The following ARMC8 variants were observed in gnomAD, a reference collection of about 807,000 sequenced individuals.
ARMC8 encodes the protein armadillo repeat containing 8.
In ARMC8, 20 loss-of-function variants were observed where a neutral mutation model predicts 99.3. The ratio of observed to expected loss-of-function variants is 0.20; its 90% CI spans 0.14 to 0.29. The LOEUF is 0.29. Ranked by LOEUF, ARMC8 falls within the 10% of genes least tolerant of loss-of-function variation. ARMC8 has a pLI of 1.00. For missense variants in ARMC8, 569 were observed against 809.5 expected, an observed-to-expected ratio of 0.70 and a Z score of 3.60; for synonymous variants, 263 against 278.3, an observed-to-expected ratio of 0.95 and a Z score of 0.55.
rs143488622 is a variant in ARMC8 at position 138,268,400 on chromosome 3, C to T, written c.1386+1159C>T. On this transcript the variant is annotated intron_variant, in intron 15 of 21. Transcript: ENST00000469044. ...TTCCATCAGTTCTCTGCCCTGTAGA[C>T]GGGGTCTTGGCCTGATGATAATCCA... Among the ~76,000 whole-genome samples, 264 of 152,246 alleles carry T rather than the reference C, an allele frequency of 1.7e-3. 1 individual carries two copies. Among genetic ancestry groups the T allele is most frequent in the African/African-American group, 5.9e-3 (246 of 41,532 alleles).
At position 138,249,412 on chromosome 3, in the gene ARMC8, A is replaced by G. The variant is rs566838116; in HGVS notation, c.1134+4229A>G. ...TGCTTGGCTATCAATCAAAGAAAAC[A>G]TGTTTTATGGTATTGTACTTGCTTC... On this transcript the variant is annotated intron_variant, in intron 12 of 21. Coordinates refer to ENST00000469044, the MANE Select transcript of ARMC8 (RefSeq NM_001363941.2). Among the ~76,000 whole-genome samples, 7 of 151,872 alleles carry G rather than the reference A, an allele frequency of 4.6e-5. No homozygotes were observed. The South Asian group carries it at 1.0e-3, about 23-fold the overall frequency.
intron 12 of ARMC8, among the ~76,000 whole-genome samples, chr3:138,258,954 G>A (rs961305467): frequency 1.3e-5 from 2 of 152,188 alleles, no homozygotes; most frequent in African/African-American, 4.8e-5. Flanking sequence ...TTTTTTAGCA[G>A]ATCCAACCAG....
At position 138,201,436 on chromosome 3, in the gene ARMC8, CTTTTTTTTTTTTTTTTTTTTTTTTTT is replaced by C. The variant is rs58707271; in HGVS notation, c.46-8365_46-8340del. On this transcript the variant is annotated intron_variant, in intron 1 of 21. Transcript: ENST00000469044. ...TAGAGTCCTTGTCTTCTTCCCCTCC[CTTTTTTTTTTTTTTTTTTTTTTTTTT>C]TTTTTTTTTTTTTTTCCTGAGACAG... Among the ~76,000 whole-genome samples the C allele has an allele frequency of 1.2e-3, 80 of 64,998 alleles. 1 individual carries two copies. Among genetic ancestry groups the C allele is most frequent in the Non-Finnish European group, 2.1e-3 (63 of 29,396 alleles). The allele number at this position is 64,998 out of a possible 152,430, so 42.6% of individuals were successfully genotyped here.
intron 12 of ARMC8, among the ~76,000 whole-genome samples, chr3:138,263,212 T>A (rs535305961): frequency 1.3e-5 from 2 of 152,278 alleles, no homozygotes; most frequent in South Asian, 4.1e-4. Flanking sequence ...GCTTCATGAT[T>A]ATAGTGATTA....
At position 138,195,337 on chromosome 3, in the gene ARMC8, A is replaced by G. The variant is rs79033241; in HGVS notation, c.45+7738A>G. On this transcript the variant is annotated intron_variant, in intron 1 of 21. Transcript: ENST00000469044. The stretch of plus-strand genomic sequence containing the variant: ...CAAAAAAATAAAAATAAATTCATCA[A>G]TGAATCAATGTGAACTTTCTAATCT... Among the ~76,000 whole-genome samples the G allele has an allele frequency of 2.1e-3, 326 of 152,194 alleles. 1 individual carries two copies. Among genetic ancestry groups the G allele is most frequent in the Non-Finnish European group, 3.3e-3 (222 of 68,000 alleles).
At chr3:138,235,951 A>C (rs1202917027) in intron 7 of ARMC8, among the ~76,000 whole-genome samples, 4 of 151,954 alleles carry the variant, frequency 2.6e-5, no homozygotes, top group Non-Finnish European at 5.9e-5. Flanking sequence ...GACTACAGGC[A>C]CCTGCCACCA....
chr3:138,285,222 C>T (rs773724748), intron 19 of ARMC8, among the ~76,000 whole-genome samples: 20 of 152,202 alleles, frequency 1.3e-4, no homozygotes, highest in Non-Finnish European at 2.5e-4. Flanking sequence ...ATATTCTTAC[C>T]TGCCCCTCAT....
intron 3 of ARMC8, among the ~76,000 whole-genome samples, 196 bp downstream of exon 3, chr3:138,222,193 G>A (rs1320764363): frequency 2.6e-5 from 4 of 152,198 alleles, no homozygotes; most frequent in African/African-American, 4.8e-5. Flanking sequence ...GTAGTAAGAA[G>A]TGAATGTGTT....
At chr3:138,207,891 G>A (rs1379915785) in intron 1 of ARMC8, among the ~76,000 whole-genome samples, 1 of 152,128 alleles carries the variant, frequency 6.6e-6, no homozygotes, top group East Asian at 1.9e-4. Context: ...ATGGTACCCT[G>A]GTGGGCACAA....
rs2045425008 is a variant in ARMC8, at chr3:138,221,978, G to C, written c.175G>C (p.Val59Leu). Residue 59 changes from valine (V) to leucine (L), a missense_variant, in exon 3 of 22, where the codon GTT becomes CTT. By Grantham distance (32) the Val-to-Leu change is conservative. Coordinates refer to ENST00000469044, the MANE Select transcript of ARMC8 (RefSeq NM_001363941.2). ...GNNKQKANLI[V>L]LGAVPRLLYL... is the part of the protein sequence containing the mutation. ...CAACAAGCAGAAAGCCAATCTCATT[G>C]TTTTAGGAGCTGTTCCAAGGTATGT... 6.2e-7 allele frequency: 1 copy of C among 1,613,472 alleles called. No homozygotes were observed. Among genetic ancestry groups the C allele is most frequent in the African/African-American group, 1.3e-5 (1 of 74,988 alleles).
intron 12 of ARMC8, among the ~76,000 whole-genome samples, chr3:138,249,453 T>C (rs967262887): frequency 6.6e-6 from 1 of 151,944 alleles, no homozygotes; most frequent in Non-Finnish European, 1.5e-5. Context: ...AAAATAATTT[T>C]GACCATTATT....
intron 1 of ARMC8, among the ~76,000 whole-genome samples, chr3:138,197,258 C>T (rs1168508149): frequency 6.6e-6 from 1 of 152,162 alleles, no homozygotes; most frequent in African/African-American, 2.4e-5. Flanking sequence ...GTGAATGCAC[C>T]AGCTGCTGCA....
chr3:138,234,962 T>G, intron 6 of ARMC8, 72 bp from the exon 7 acceptor site: 1 of 1,274,644 alleles, frequency 7.8e-7, no homozygotes, highest in Admixed American at 1.8e-5. Context: ...TTTCTACATT[T>G]AAGTAAATGT....
intron 5 of ARMC8, among the ~76,000 whole-genome samples, chr3:138,225,403 G>A (rs988310104): frequency 3.9e-5 from 6 of 152,082 alleles, no homozygotes; most frequent in African/African-American, 1.2e-4. Context: ...GAGCCACTGC[G>A]CCCGGCCTCT....
intron 12 of ARMC8, among the ~76,000 whole-genome samples, chr3:138,255,303 G>C (rs1230324478): frequency 6.7e-6 from 1 of 150,364 alleles, no homozygotes; most frequent in Non-Finnish European, 1.5e-5. Context: ...CCCGGGCTCA[G>C]GCCATTCTCC....
At chr3:138,249,395 TATCA>T (rs1228430486) in intron 12 of ARMC8, among the ~76,000 whole-genome samples, 2 of 151,810 alleles carry the variant, frequency 1.3e-5, no homozygotes, top group African/African-American at 4.8e-5. Context: ...CTTGCTTGGC[TATCA>T]ATCAAAGAAA....
Position 138,235,080 on chromosome 3 carries a change from A to G in ARMC8, c.575A>G (p.Asn192Ser), listed in dbSNP as rs2046259567. Residue 192 changes from asparagine to serine, a missense_variant, in exon 7 of 22, where the codon AAT (asparagine) becomes AGT (serine). Coordinates refer to ENST00000469044, the MANE Select transcript of ARMC8 (RefSeq NM_001363941.2). Reference sequence around the variant, plus strand: ...TTATTTAACCACGGTGCAGTTCAGAATATTGCTCACCTACTAACCTCACTG... The same window carrying G: ...TTATTTAACCACGGTGCAGTTCAGAGTATTGCTCACCTACTAACCTCACTG... ...TILFNHGAVQ[N>S]IAHLLTSLSY... 3.1e-6 allele frequency: 5 copies of G among 1,614,002 alleles called. 1 individual carries two copies. In the South Asian group the frequency reaches 3.3e-5, roughly 11 times the overall value.
chr3:138,191,663 G>A (rs1382200138), intron 1 of ARMC8, among the ~76,000 whole-genome samples: 2 of 151,948 alleles, frequency 1.3e-5, no homozygotes, highest in Admixed American at 6.6e-5. Context: ...GCCTCTCCCC[G>A]CAACAGGTAT....
intron 10 of ARMC8, among the ~76,000 whole-genome samples, chr3:138,239,751 G>T (rs758705544): frequency 2.6e-5 from 4 of 152,110 alleles, no homozygotes; most frequent in Non-Finnish European, 5.9e-5. Flanking sequence ...TTATTTCATT[G>T]TCACAGCCTT....
Sources: gnomAD v4.1 joint callset for allele counts (sites outside exome capture counted in the v4.1 genomes callset) on GRCh38, gnomAD v4.1.1 for gene constraint, MANE v1.5 for transcripts, NCBI Gene and HGNC (gene_info 2026-07-23, HGNC 2026-07-21) for gene names.